PCDH1: variants seen among roughly 807,000 people sequenced by gnomAD.
The protein encoded by PCDH1 is protocadherin-1.
A neutral mutation model predicts 74.6 loss-of-function variants in PCDH1; 23 were observed. That is an observed-to-expected ratio of 0.31 (90% CI 0.22 to 0.44). PCDH1 has a LOEUF of 0.44. PCDH1 is among the 20% of genes least tolerant of loss of function. The probability of loss-of-function intolerance (pLI) is 1.00; values close to 1 mark genes in which losing one functional copy is unlikely to be tolerated. For synonymous variants in PCDH1, 647 were observed against 686.1 expected, an observed-to-expected ratio of 0.94 and a Z score of 0.89; for missense variants, 1,214 against 1,641.4, an observed-to-expected ratio of 0.74 and a Z score of 4.50.
rs1365599459 is a variant in PCDH1, at chr5:141,853,216, C to T, written c.*826G>A. 3 of 148,970 alleles carry T rather than the reference C, an allele frequency of 2.0e-5. No homozygotes were observed. In the South Asian group the frequency reaches 6.5e-4, roughly 32 times the overall value. 9.2% of individuals were successfully genotyped at this position (148,970 alleles called of 1,614,324 possible). A position where few individuals can be genotyped will look rare whatever the true frequency, so the allele number is the denominator to read the frequency against. On this transcript the variant is annotated 3_prime_UTR_variant, in exon 5 of 5. Transcript: ENST00000287008. ...TGTTTCCCTGGCCTGCACCCCCATC[C>T]CACCATGGCCCCAGGGGTATTTACA... is the stretch of plus-strand genomic sequence containing the variant.
At chr5:141,871,104 T>C (rs772592228) in intron 1 of PCDH1, among the ~76,000 whole-genome samples, 4 of 152,272 alleles carry the variant, frequency 2.6e-5, no homozygotes, top group Admixed American at 6.5e-5. Flanking sequence ...TTCAGTATTG[T>C]GCACCTATTC....
intron 3 of PCDH1, chr5:141,862,577 A>G: frequency 1.0e-6 from 1 of 952,852 alleles, no homozygotes; most frequent in South Asian, 4.8e-5. Context: ...AAATTGAGGT[A>G]GGACCTGAGG....
chr5:141,854,453 G>C lies in PCDH1; in HGVS notation c.3320-17C>G, dbSNP rs1752250533. On this transcript the variant is annotated splice_polypyrimidine_tract_variant and intron_variant, in intron 4 of 4. Transcript: ENST00000287008. ...GGCGAAGGTCTGTAGGAGGGAGCGG[G>C]GAAGGACAATTGTCAGACATACAGC... 4 of 1,582,194 alleles carry C rather than the reference G, an allele frequency of 2.5e-6. No individual in the cohort carries two copies. Among genetic ancestry groups the C allele is most frequent in the Admixed American group, 1.7e-5 (1 of 58,032 alleles).
rs763333243 is a variant in PCDH1 at position 141,868,956 on chromosome 5, G to C, written c.516C>G (p.Val172=). Reference sequence around the variant, plus strand: ...TGTTCTCAGGGATGGCCAGAGTGATGACTGGTGAGGCGAAGTTGGGTGTGT... The same window carrying C: ...TGTTCTCAGGGATGGCCAGAGTGATCACTGGTGAGGCGAAGTTGGGTGTGT... ...NDNTPNFASP[V]ITLAIPENTN... is the part of the protein sequence containing the mutation. The change falls in exon 2 of 5, where the codon GTC becomes GTG. Residue 172 remains valine (V), a synonymous_variant. Transcript: ENST00000287008. This position sits in a 1 kb window ranked among gnomAD's most constrained non-coding sequence, Gnocchi z 4.8. 4.8e-5 allele frequency: 77 copies of C among 1,614,082 alleles called. No individual in the cohort carries two copies. The highest frequency in any genetic ancestry group is 6.5e-5 in the Non-Finnish European group (77 of 1,180,056).
intron 3 of PCDH1, among the ~76,000 whole-genome samples, 196 bp from the exon 4 acceptor site, chr5:141,857,667 C>T (rs559162555): frequency 2.0e-5 from 3 of 152,202 alleles, no homozygotes; most frequent in African/African-American, 7.2e-5. Flanking sequence ...GTTCTAGGAC[C>T]GCTCCTAGTA....
At chr5:141,861,426 CTGAG>C (rs1351685091) in intron 3 of PCDH1, among the ~76,000 whole-genome samples, 1 of 152,006 alleles carries the variant, frequency 6.6e-6, no homozygotes, top group African/African-American at 2.4e-5. Context: ...TGGATTAGAG[CTGAG>C]TAAGAGACAA....
chr5:141,855,247 T>G (rs1181494948), intron 4 of PCDH1, among the ~76,000 whole-genome samples: 2 of 152,102 alleles, frequency 1.3e-5, no homozygotes, highest in African/African-American at 2.4e-5. Context: ...AGTGTTGGAA[T>G]TACAGGCATG....
At position 141,868,160 on chromosome 5, in the gene PCDH1, G is replaced by A. The variant is rs1752930766; in HGVS notation, c.903+409C>T. Reference sequence around the variant, plus strand: ...CAGGAAAACCTCATCTGGCTAAAGAGAAACTATCCCTGGTTGGGAAGATAC... The same window carrying A: ...CAGGAAAACCTCATCTGGCTAAAGAAAAACTATCCCTGGTTGGGAAGATAC... On this transcript the variant is annotated intron_variant, in intron 2 of 4. Coordinates refer to ENST00000287008, the MANE Select transcript of PCDH1 (RefSeq NM_032420.5). This position sits in a 1 kb window ranked among gnomAD's most constrained non-coding sequence, Gnocchi z 4.8. Among the ~76,000 whole-genome samples the A allele has an allele frequency of 6.6e-6, 1 of 152,236 alleles. No individual in the cohort carries two copies. Among genetic ancestry groups the A allele is most frequent in the Admixed American group, 6.5e-5 (1 of 15,284 alleles).
At chr5:141,854,751 A>C (rs765639698) in intron 4 of PCDH1, among the ~76,000 whole-genome samples, 3 of 151,998 alleles carry the variant, frequency 2.0e-5, no homozygotes, top group Non-Finnish European at 2.9e-5. Context: ...GGCTTACTGC[A>C]ACCTCCACCT....
At chr5:141,876,589 T>G (rs934506524) in intron 1 of PCDH1, among the ~76,000 whole-genome samples, 2 of 152,190 alleles carry the variant, frequency 1.3e-5, no homozygotes, top group Non-Finnish European at 2.9e-5. Flanking sequence ...TTGGGGAAAC[T>G]GAGGCCAGAA....
intron 3 of PCDH1, chr5:141,862,840 CA>C: frequency 9.1e-7 from 1 of 1,093,236 alleles, no homozygotes; most frequent in Non-Finnish European, 1.1e-6. Context: ...CCTAGAGAAG[CA>C]CCTAGGTCTG....
chr5:141,865,487 T>C lies in PCDH1; in HGVS notation c.904-60A>G. ...GATGGTTTAGATCAGGGATAGCAAA[T>C]AAAGGGGCACACATGCTGCCAATGT... On this transcript the variant is annotated intron_variant, in intron 2 of 4. Coordinates refer to ENST00000287008, the MANE Select transcript of PCDH1 (RefSeq NM_032420.5). This position sits in a 1 kb window ranked among gnomAD's most constrained non-coding sequence, Gnocchi z 4.4. The C allele has an allele frequency of 6.5e-7, 1 of 1,544,240 alleles. No homozygotes were observed. The highest frequency in any genetic ancestry group is 8.8e-7 in the Non-Finnish European group (1 of 1,141,572).
intron 1 of PCDH1, among the ~76,000 whole-genome samples, chr5:141,871,502 G>A (rs1753095742): frequency 6.6e-6 from 1 of 152,226 alleles, no homozygotes; most frequent in African/African-American, 2.4e-5. Context: ...ATGACCTGAA[G>A]CAAAGATTTA....
chr5:141,861,594 C>T (rs1752567302), intron 3 of PCDH1, among the ~76,000 whole-genome samples: 4 of 152,168 alleles, frequency 2.6e-5, no homozygotes, highest in Admixed American at 1.3e-4. Flanking sequence ...CTTCCCCAGG[C>T]CCCACTCCTC....
At chr5:141,870,512 A>C (rs1753066921) in intron 1 of PCDH1, among the ~76,000 whole-genome samples, 1 of 152,092 alleles carries the variant, frequency 6.6e-6, no homozygotes, top group East Asian at 1.9e-4. Context: ...TGATAATGAC[A>C]CCAGCAGCCT....
At chr5:141,876,870 G>T (rs1753252635) in intron 1 of PCDH1, among the ~76,000 whole-genome samples, 1 of 152,142 alleles carries the variant, frequency 6.6e-6, no homozygotes, top group Non-Finnish European at 1.5e-5. Context: ...CGCAATCACC[G>T]TCCCAGGCTA....
Position 141,878,328 on chromosome 5 carries a change from C to A in PCDH1, c.-66G>T. 1 of 1,088,420 alleles carries A rather than the reference C, an allele frequency of 9.2e-7. No homozygotes were observed. 67.4% of individuals were successfully genotyped at this position (1,088,420 alleles called of 1,614,324 possible). ...GCTGGGGCTGGAGCTGCAGTTCGGGCTCCGGCTCCGGCTCCGGCTGGCTCT... is the reference window on the plus strand; with the variant it reads ...GCTGGGGCTGGAGCTGCAGTTCGGGATCCGGCTCCGGCTCCGGCTGGCTCT... On this transcript the variant is annotated 5_prime_UTR_variant, in exon 1 of 5. Coordinates refer to ENST00000287008, the MANE Select transcript of PCDH1 (RefSeq NM_032420.5). The surrounding 1 kb of genome is among the most constrained non-coding windows in gnomAD (Gnocchi z 5.5).
rs778772554 is a variant in PCDH1 at position 141,854,082 on chromosome 5, G to A, written c.3674C>T (p.Pro1225Leu). The A allele has an allele frequency of 4.5e-6, 7 of 1,540,648 alleles. No individual in the cohort carries two copies. Among genetic ancestry groups the A allele is most frequent in the Non-Finnish European group, 3.5e-6 (4 of 1,140,866 alleles). The change falls in exon 5 of 5, where the codon CCG (proline) becomes CTG (leucine). Residue 1225 changes from proline (P) to leucine (L), a missense_variant. Pro to Leu is a moderately conservative substitution (Grantham distance 98). Transcript: ENST00000287008. ...GCGCTTGGCCGTCTGGGCAGATGCC[G>A]GTGTGGCTGCGGGTGGGAAGTCCGA... Reference protein sequence around the residue: ...QTSDFPPAATPASAQTAKREI... With the variant: ...QTSDFPPAATLASAQTAKREI...
chr5:141,855,190 G>C (rs1195645647), intron 4 of PCDH1, among the ~76,000 whole-genome samples: 1 of 151,750 alleles, frequency 6.6e-6, no homozygotes, highest in Non-Finnish European at 1.5e-5. Flanking sequence ...GCCCAGGCTG[G>C]TCTTGAACTC....
Sources: gnomAD v4.1 joint callset for allele counts (sites outside exome capture counted in the v4.1 genomes callset) on GRCh38, gnomAD v4.1.1 for gene constraint, Gnocchi (gnomAD v3.1) non-coding constraint, MANE v1.5 for transcripts, NCBI Gene and HGNC (gene_info 2026-07-23, HGNC 2026-07-21) for gene names.